The following KLF8 variants were observed in gnomAD, a reference collection of about 807,000 sequenced individuals.
KLF8 encodes KLF transcription factor 8.
KLF8 carries 10 observed loss-of-function variants against 18.2 expected under a neutral mutation model. That is an observed-to-expected ratio of 0.55 (90% CI 0.34 to 0.93). The LOEUF is 0.93. Among genes scored for constraint, KLF8 ranks in the 40% least tolerant of loss-of-function variants. The pLI is 0.02. For missense variants in KLF8, 264 were observed against 277.9 expected (o/e 0.95, Z 0.36); for synonymous variants, 109 against 97.3 (o/e 1.12, Z -0.71).
At chrX:55,978,309 C>T in the KLF8 span, among the ~76,000 whole-genome samples, 2 of 111,516 alleles carry the variant, frequency 1.8e-5, no homozygotes, top group Admixed American at 1.9e-4. Context: ...TTCCCTTCTG[C>T]AGACATACAG....
chrX:56,086,731 G>T, the KLF8 span, among the ~76,000 whole-genome samples: 1 of 111,155 alleles, frequency 9.0e-6, no homozygotes, highest in Non-Finnish European at 1.9e-5. Context: ...GAGGTGATTA[G>T]TCAGTCTAAA....
the KLF8 span, among the ~76,000 whole-genome samples, chrX:56,174,687 G>A: frequency 8.9e-6 from 1 of 111,794 alleles, no homozygotes; most frequent in Non-Finnish European, 1.9e-5. Flanking sequence ...GCTCCTCCTT[G>A]TACCTGTGGT....
At chrX:56,171,164 G>A in the KLF8 span, among the ~76,000 whole-genome samples, 1 of 111,603 alleles carries the variant, frequency 9.0e-6, no homozygotes, top group African/African-American at 3.3e-5. Context: ...TATATCTTTA[G>A]TAGAAAGACT....
the KLF8 span, among the ~76,000 whole-genome samples, chrX:56,020,739 G>A: frequency 9.0e-6 from 1 of 111,514 alleles, no homozygotes; most frequent in Non-Finnish European, 1.9e-5. Flanking sequence ...TATGGTGAGA[G>A]TAGACTTAAT....
chrX:55,936,250 T>C, the KLF8 span, among the ~76,000 whole-genome samples: 66 of 112,267 alleles, frequency 5.9e-4, no homozygotes, highest in Non-Finnish European at 1.1e-3. Flanking sequence ...GTCTGGAGAA[T>C]CTCTAGTCCC....
At chrX:56,029,063 G>A in the KLF8 span, among the ~76,000 whole-genome samples, 1 of 111,090 alleles carries the variant, frequency 9.0e-6, no homozygotes, top group African/African-American at 3.3e-5. Flanking sequence ...CTGGGAACCG[G>A]ATACTGCTTT....
rs766068404 is a variant in KLF8 at position 56,289,477 on chromosome X, CAT to C, written c.*4986_*4987del. Among the ~76,000 whole-genome samples the C allele has an allele frequency of 5.1e-4, 57 of 111,958 alleles. No individual in the cohort carries two copies. The highest frequency in any genetic ancestry group is 8.3e-4 in the Non-Finnish European group (44 of 53,215). On this transcript the variant is annotated 3_prime_UTR_variant, in exon 6 of 6. Transcript: ENST00000468660. ...GGTGTCTCAGCTAACAGCAAGGAAA[CAT>C]ATGTGTGTATACTATCCTATGTATA...
At chrX:56,248,245 A>G (rs1002225817) in intron 1 of KLF8, among the ~76,000 whole-genome samples, 4 of 110,714 alleles carry the variant, frequency 3.6e-5, no homozygotes, top group Admixed American at 2.9e-4. Context: ...CCAACATGGC[A>G]CATGGATACA....
At chrX:56,261,242 G>GTAGCACTGT (rs2066879634) in intron 2 of KLF8, among the ~76,000 whole-genome samples, 2 of 111,703 alleles carry the variant, frequency 1.8e-5, no homozygotes, top group African/African-American at 3.2e-5. Flanking sequence ...TATTTGAGGA[G>GTAGCACTGT]TAGCACTGTG....
the KLF8 span, among the ~76,000 whole-genome samples, chrX:56,113,614 GA>G: frequency 1.8e-5 from 1 of 54,615 alleles, no homozygotes; most frequent in Non-Finnish European, 3.4e-5. Flanking sequence ...GGAGAAAAAA[GA>G]AAAAAAGAAA....
intron 2 of KLF8, among the ~76,000 whole-genome samples, chrX:56,256,929 C>A (rs2066804379): frequency 8.9e-6 from 1 of 111,820 alleles, no homozygotes; most frequent in African/African-American, 3.3e-5. Context: ...TCTCGAACTC[C>A]CAACCTCAGG....
chrX:56,074,824 G>C, the KLF8 span: 1 of 112,864 alleles, frequency 8.9e-6, no homozygotes, highest in African/African-American at 3.2e-5. Context: ...CTGCAAAACA[G>C]TTGGAATTTT....
the KLF8 span, among the ~76,000 whole-genome samples, chrX:56,084,445 A>C: frequency 2.7e-5 from 3 of 111,919 alleles, no homozygotes; most frequent in East Asian, 5.6e-4. Flanking sequence ...GGAAAAAAAA[A>C]CATAAACATA....
the KLF8 span, among the ~76,000 whole-genome samples, chrX:55,978,859 G>A: frequency 9.0e-6 from 1 of 111,499 alleles, no homozygotes; most frequent in Non-Finnish European, 1.9e-5. Context: ...AACATATTAA[G>A]GATATAGTGA....
chrX:56,193,031 C>T, the KLF8 span, among the ~76,000 whole-genome samples: 1 of 112,223 alleles, frequency 8.9e-6, no homozygotes, highest in Non-Finnish European at 1.9e-5. Flanking sequence ...AGTGAAGAAA[C>T]GACCCACAGA....
chrX:55,930,696 G>T, the KLF8 span, among the ~76,000 whole-genome samples: 1 of 112,028 alleles, frequency 8.9e-6, no homozygotes, highest in Admixed American at 9.5e-5. Context: ...TTACTGATTT[G>T]TGTATGTTGA....
the KLF8 span, among the ~76,000 whole-genome samples, chrX:56,066,875 A>G: frequency 9.1e-6 from 1 of 109,347 alleles, no homozygotes; most frequent in Non-Finnish European, 1.9e-5. Context: ...TCTCCAGGCC[A>G]CTCCCTACAT....
the KLF8 span, among the ~76,000 whole-genome samples, chrX:55,955,250 G>T: frequency 9.0e-6 from 1 of 111,195 alleles, no homozygotes; most frequent in Non-Finnish European, 1.9e-5. Context: ...ATTATAGGAA[G>T]AAAGAACAGC....
the KLF8 span, among the ~76,000 whole-genome samples, chrX:55,992,163 A>T: frequency 1.8e-5 from 2 of 112,353 alleles, no homozygotes; most frequent in Non-Finnish European, 3.8e-5. Context: ...CTTCATCATG[A>T]AATATTTGTC....
Sources: gnomAD v4.1 joint callset for allele counts (sites outside exome capture counted in the v4.1 genomes callset) on GRCh38, gnomAD v4.1.1 for gene constraint, MANE v1.5 for transcripts, NCBI Gene and HGNC (gene_info 2026-07-23, HGNC 2026-07-21) for gene names.